CNTNAP5: variants seen among roughly 807,000 people sequenced by gnomAD.
CNTNAP5 encodes the protein contactin associated protein family member 5, also known as contactin-associated protein-like 5.
CNTNAP5 carries 72 observed loss-of-function variants against 150.2 expected under a neutral mutation model. The observed-to-expected ratio is 0.48, with a 90% confidence interval of 0.40 to 0.58. The LOEUF is 0.58. Among genes scored for constraint, CNTNAP5 ranks in the 20% least tolerant of loss-of-function variants. The pLI, the probability that CNTNAP5 is intolerant of heterozygous loss-of-function variation, is 0.00. For synonymous variants in CNTNAP5, 672 were observed against 619.8 expected (o/e 1.08, Z -1.25); for missense variants, 1,636 against 1,626.2 (o/e 1.01, Z -0.10).
At chr2:124,910,251 T>C (rs145473282) in intron 22 of CNTNAP5, among the ~76,000 whole-genome samples, 1 of 152,162 alleles carries the variant, frequency 6.6e-6, no homozygotes, top group Admixed American at 6.5e-5. Flanking sequence ...GTTTTTTCAT[T>C]AGCAAGCTTG....
intron 14 of CNTNAP5, among the ~76,000 whole-genome samples, chr2:124,753,073 C>T (rs1373973949): frequency 6.6e-6 from 1 of 152,114 alleles, no homozygotes; most frequent in Non-Finnish European, 1.5e-5. Context: ...CAGAAGTTTT[C>T]ATTTGATTTT....
chr2:124,093,209 A>C (rs1447571928), intron 1 of CNTNAP5, among the ~76,000 whole-genome samples: 1 of 152,192 alleles, frequency 6.6e-6, no homozygotes, highest in Non-Finnish European at 1.5e-5. Context: ...TTGGAATCTC[A>C]TTCTGGTACA....
intron 22 of CNTNAP5, among the ~76,000 whole-genome samples, chr2:124,904,847 A>T (rs1678497789): frequency 6.6e-6 from 1 of 151,870 alleles, no homozygotes; most frequent in African/African-American, 2.4e-5. Context: ...TGACACCAAA[A>T]GTATGATCAA....
intron 3 of CNTNAP5, among the ~76,000 whole-genome samples, chr2:124,298,106 T>C (rs576339511): frequency 6.6e-6 from 1 of 152,146 alleles, no homozygotes; most frequent in African/African-American, 2.4e-5. Flanking sequence ...GCCTCCCACA[T>C]ATCCAATTAT....
At chr2:124,469,150 T>C (rs1558916178) in intron 6 of CNTNAP5, among the ~76,000 whole-genome samples, 1 of 152,198 alleles carries the variant, frequency 6.6e-6, no homozygotes, top group Non-Finnish European at 1.5e-5. Context: ...ACCAACTGCC[T>C]CTGAAAATCT....
intron 1 of CNTNAP5, among the ~76,000 whole-genome samples, chr2:124,214,573 C>T (rs867308755): frequency 9.3e-4 from 142 of 152,064 alleles, no homozygotes; most frequent in African/African-American, 3.3e-3. Context: ...TAACCCGTGC[C>T]GTTATAAAGT....
At chr2:124,798,360 G>C (rs1194090757) in intron 19 of CNTNAP5, 40 bp downstream of exon 19, 1 of 1,432,278 alleles carries the variant, frequency 7.0e-7, no homozygotes, top group Non-Finnish European at 9.8e-7. Context: ...GTCTCAGCCT[G>C]GGCTGGAGGG....
intron 3 of CNTNAP5, among the ~76,000 whole-genome samples, chr2:124,271,772 T>A (rs954448981): frequency 6.6e-6 from 1 of 152,054 alleles, no homozygotes; most frequent in African/African-American, 2.4e-5. Flanking sequence ...TGTAGTGCAT[T>A]GGCACGATCT....
At chr2:124,820,587 C>T (rs1682466531) in intron 19 of CNTNAP5, among the ~76,000 whole-genome samples, 1 of 151,712 alleles carries the variant, frequency 6.6e-6, no homozygotes, top group Admixed American at 6.5e-5. Context: ...TAGGTACAAT[C>T]CAAAAATCCT....
At chr2:124,882,786 C>T (rs1677993196) in intron 21 of CNTNAP5, among the ~76,000 whole-genome samples, 1 of 152,012 alleles carries the variant, frequency 6.6e-6, no homozygotes, top group Admixed American at 6.6e-5. Context: ...ACTCACAGTT[C>T]CACGTGGCTG....
intron 10 of CNTNAP5, among the ~76,000 whole-genome samples, chr2:124,554,774 C>A (rs746766956): frequency 5.9e-5 from 9 of 152,092 alleles, no homozygotes; most frequent in Non-Finnish European, 1.0e-4. Flanking sequence ...AGGCCAAATT[C>A]TCTTAAAAAC....
chr2:124,632,587 A>C (rs1558712744), intron 12 of CNTNAP5, among the ~76,000 whole-genome samples: 1 of 151,930 alleles, frequency 6.6e-6, no homozygotes, highest in Non-Finnish European at 1.5e-5. Flanking sequence ...TTAGGGGAAA[A>C]ATCTAATTCG....
At chr2:124,286,906 C>A (rs1056818305) in intron 3 of CNTNAP5, among the ~76,000 whole-genome samples, 1 of 152,122 alleles carries the variant, frequency 6.6e-6, no homozygotes, top group Admixed American at 6.6e-5. Flanking sequence ...GTAAAGAAGT[C>A]GAGGTCACAA....
chr2:124,521,616 C>A (rs1299757493), intron 8 of CNTNAP5, among the ~76,000 whole-genome samples: 1 of 152,148 alleles, frequency 6.6e-6, no homozygotes, highest in African/African-American at 2.4e-5. Context: ...TAAATACATT[C>A]TTCTCTACTG....
chr2:124,244,883 G>T (rs1169955397), intron 3 of CNTNAP5, among the ~76,000 whole-genome samples: 5 of 152,030 alleles, frequency 3.3e-5, no homozygotes, highest in African/African-American at 1.2e-4. Context: ...ACATCTCCAG[G>T]AACAAGAGGC....
chr2:124,391,916 AC>A (rs1691122336), intron 3 of CNTNAP5, among the ~76,000 whole-genome samples: 1 of 151,804 alleles, frequency 6.6e-6, no homozygotes, highest in African/African-American at 2.4e-5. Context: ...AGATCGCGCC[AC>A]TGCACTCCAG....
intron 13 of CNTNAP5, among the ~76,000 whole-genome samples, chr2:124,694,272 C>A (rs370334371): frequency 2.0e-5 from 3 of 151,980 alleles, no homozygotes; most frequent in Non-Finnish European, 2.9e-5. Context: ...TTATTTAGTT[C>A]TTTGATGAGG....
chr2:124,151,711 C>T (rs1167796734), intron 1 of CNTNAP5, among the ~76,000 whole-genome samples: 1 of 152,164 alleles, frequency 6.6e-6, no homozygotes, highest in Non-Finnish European at 1.5e-5. Flanking sequence ...GGAGTTGTCT[C>T]GTGTAAAGAT....
At chr2:124,883,957 C>T (rs1026517817) in intron 21 of CNTNAP5, among the ~76,000 whole-genome samples, 2 of 151,942 alleles carry the variant, frequency 1.3e-5, no homozygotes, top group Non-Finnish European at 2.9e-5. Context: ...TACATGTACA[C>T]ATATGTTTCT....
Sources: allele counts gnomAD v4.1 joint callset (sites outside exome capture counted in the v4.1 genomes callset), GRCh38; gene constraint gnomAD v4.1.1; transcripts MANE v1.5; gene names NCBI Gene and HGNC (gene_info 2026-07-23, HGNC 2026-07-21).